Variants in SLC30A8 observed in about 807,000 individuals in gnomAD.
The protein encoded by SLC30A8 is proton-coupled zinc antiporter SLC30A8.
In SLC30A8, 27 loss-of-function variants were observed where a neutral mutation model predicts 36.9. The observed-to-expected ratio is 0.73, with a 90% confidence interval of 0.54 to 1.01. SLC30A8 has a LOEUF of 1.01. Among genes scored for constraint, SLC30A8 ranks in the 50% least tolerant of loss-of-function variants. The probability of loss-of-function intolerance (pLI) is 0.00; values close to 1 mark genes in which losing one functional copy is unlikely to be tolerated. For synonymous variants in SLC30A8, 164 were observed against 172.4 expected (o/e 0.95, Z 0.38); for missense variants, 439 against 452.0 (o/e 0.97, Z 0.26).
chr8:116,984,552 G>A (rs890842596), intron 1 of SLC30A8, among the ~76,000 whole-genome samples: 1 of 152,082 alleles, frequency 6.6e-6, no homozygotes, highest in Non-Finnish European at 1.5e-5. Context: ...TGCATGTGAT[G>A]TTAAACGTCT....
intron 1 of SLC30A8, among the ~76,000 whole-genome samples, chr8:117,029,447 T>G (rs865798007): frequency 2.6e-5 from 4 of 152,282 alleles, no homozygotes; most frequent in Middle Eastern, 3.4e-3. Context: ...ACCTTCAAGG[T>G]TAAAACATCA....
chr8:117,072,120 T>A (rs1818351074), intron 2 of SLC30A8, among the ~76,000 whole-genome samples: 1 of 152,212 alleles, frequency 6.6e-6, no homozygotes, highest in Non-Finnish European at 1.5e-5. Flanking sequence ...CTTACTGCTT[T>A]GGCACCAAAT....
intron 1 of SLC30A8, among the ~76,000 whole-genome samples, chr8:116,971,966 T>C (rs11994196): frequency 7.9e-4 from 120 of 152,292 alleles, no homozygotes; most frequent in African/African-American, 2.6e-3. Flanking sequence ...TAAACTGAGA[T>C]ATATATACTA....
chr8:117,122,509 C>T (rs750975386), intron 2 of SLC30A8, among the ~76,000 whole-genome samples: 4 of 152,024 alleles, frequency 2.6e-5, no homozygotes, highest in Non-Finnish European at 5.9e-5. Context: ...TAACTCTTAA[C>T]CATCCAACTT....
At chr8:117,048,773 T>C (rs1280387206) in intron 2 of SLC30A8, among the ~76,000 whole-genome samples, 1 of 152,244 alleles carries the variant, frequency 6.6e-6, no homozygotes, top group Admixed American at 6.5e-5. Context: ...AATAAGTCTT[T>C]GGCCTAAAAA....
intron 2 of SLC30A8, among the ~76,000 whole-genome samples, chr8:117,069,051 G>A (rs1457546942): frequency 1.3e-5 from 2 of 152,092 alleles, no homozygotes; most frequent in Non-Finnish European, 2.9e-5. Context: ...CTGGCTCAGG[G>A]AATTAGCCAT....
At chr8:117,158,234 C>A (rs1178221865) in intron 4 of SLC30A8, among the ~76,000 whole-genome samples, 8 of 152,170 alleles carry the variant, frequency 5.3e-5, no homozygotes, top group Admixed American at 4.6e-4. Flanking sequence ...CAGAATTGAG[C>A]TGCTTTACAT....
chr8:117,173,401 T>TAG lies in SLC30A8; in HGVS notation c.*724_*725dup, dbSNP rs1313565465. 6.6e-6 allele frequency: 1 copy of TAG among 152,154 alleles called. No individual in the cohort carries two copies. The highest frequency in any genetic ancestry group is 1.5e-5 in the Non-Finnish European group (1 of 68,006). The allele number at this position is 152,154 out of a possible 1,614,324, so 9.4% of individuals were successfully genotyped here. A position where few individuals can be genotyped will look rare whatever the true frequency, so the allele number is the denominator to read the frequency against. On this transcript the variant is annotated 3_prime_UTR_variant, in exon 8 of 8. Transcript: ENST00000456015. ...TGGCACCAGCCAAAGAATGTGGTTG[T>TAG]AGAGACCCAGAAGTCTTCAAGAACA... is the stretch of plus-strand genomic sequence containing the variant.
chr8:117,028,518 A>T (rs1326151599), intron 1 of SLC30A8, among the ~76,000 whole-genome samples: 3 of 151,208 alleles, frequency 2.0e-5, no homozygotes, highest in African/African-American at 7.3e-5. Flanking sequence ...ATGTCTTCTG[A>T]CATGTATAAA....
intron 1 of SLC30A8, among the ~76,000 whole-genome samples, chr8:116,967,093 A>G (rs191679295): frequency 6.6e-6 from 1 of 152,346 alleles, no homozygotes; most frequent in Admixed American, 6.5e-5. Flanking sequence ...AAGGGTATGC[A>G]TTCTATAAAG....
chr8:117,140,831 G>A (rs1821617936), intron 1 of SLC30A8, among the ~76,000 whole-genome samples: 2 of 151,872 alleles, frequency 1.3e-5, no homozygotes, highest in Admixed American at 1.3e-4. Context: ...CACCAATAAA[G>A]GTAATAATGT....
At position 117,080,856 on chromosome 8, in the gene SLC30A8, G is replaced by A. The variant is rs149342383; in HGVS notation, c.-226+41598G>A. Among the ~76,000 whole-genome samples the A allele has an allele frequency of 3.6e-3, 553 of 152,220 alleles. 5 individuals carry two copies. The highest frequency in any genetic ancestry group is 0.012 in the African/African-American group (504 of 41,532). ...TTTTCCTTTGGGTTTATACTTAGTA[G>A]TGGGATTGCTGGGTCAAATGGTAGT... On this transcript the variant is annotated intron_variant, in intron 2 of 10. Coordinates refer to the SLC30A8 transcript ENST00000427715.
At chr8:117,156,626 T>C (rs7015338) in intron 3 of SLC30A8, among the ~76,000 whole-genome samples, 29,455 of 152,080 alleles carry the variant, frequency 0.19, 2,928 homozygotes, top group East Asian at 0.27. Flanking sequence ...ATATGGACAA[T>C]AATTACACAT....
intron 1 of SLC30A8, among the ~76,000 whole-genome samples, chr8:116,956,029 A>G (rs144225760): frequency 5.6e-4 from 85 of 152,346 alleles, no homozygotes; most frequent in African/African-American, 1.9e-3. Flanking sequence ...ACTGTTGAGA[A>G]CTTAGTTGAG....
intron 2 of SLC30A8, among the ~76,000 whole-genome samples, chr8:117,059,435 G>A (rs1817965364): frequency 1.3e-5 from 2 of 152,198 alleles, no homozygotes; most frequent in African/African-American, 2.4e-5. Flanking sequence ...TGAAAGCCAA[G>A]TTGCTGAACA....
At chr8:117,071,259 G>A (rs1405905041) in intron 2 of SLC30A8, among the ~76,000 whole-genome samples, 1 of 151,966 alleles carries the variant, frequency 6.6e-6, no homozygotes, top group Non-Finnish European at 1.5e-5. Flanking sequence ...GTCTGAGGTG[G>A]TATCTTATTG....
intron 1 of SLC30A8, among the ~76,000 whole-genome samples, chr8:116,972,083 T>C (rs1347729016): frequency 6.6e-6 from 1 of 152,230 alleles, no homozygotes; most frequent in Non-Finnish European, 1.5e-5. Flanking sequence ...ATAAAAGCCC[T>C]ACCAAGTGGA....
chr8:117,128,455 G>T (rs188820550), intron 2 of SLC30A8: 1 of 151,996 alleles, frequency 6.6e-6, no homozygotes, highest in South Asian at 2.1e-4. Context: ...TTGTGTGTGC[G>T]CACGCACGCG....
intron 2 of SLC30A8, among the ~76,000 whole-genome samples, chr8:117,078,666 T>G (rs1818567054): frequency 6.6e-6 from 1 of 152,202 alleles, no homozygotes; most frequent in Admixed American, 6.6e-5. Flanking sequence ...ATCAAAAGGT[T>G]TAAGTAAGAC....
Sources: allele counts gnomAD v4.1 joint callset (sites outside exome capture counted in the v4.1 genomes callset), GRCh38; gene constraint gnomAD v4.1.1; transcripts MANE v1.5; gene names NCBI Gene and HGNC (gene_info 2026-07-23, HGNC 2026-07-21).